Variants in ECPAS observed in about 807,000 individuals in gnomAD.
ECPAS encodes the protein proteasome adapter and scaffold protein ECM29.
In ECPAS, 70 loss-of-function variants were observed where a neutral mutation model predicts 255.1. The observed-to-expected ratio is 0.27, with a 90% CI of 0.23 to 0.33. ECPAS has a LOEUF of 0.33. Ranked by LOEUF, ECPAS falls within the 10% of genes least tolerant of loss-of-function variation. The probability of loss-of-function intolerance (pLI) is 1.00; values close to 1 mark genes in which losing one functional copy is unlikely to be tolerated. For missense variants in ECPAS, 1,817 were observed against 2,206.4 expected (o/e 0.82, Z 3.54); for synonymous variants, 784 against 775.0 (o/e 1.01, Z -0.19).
chr9:111,394,362 G>T, intron 25 of ECPAS, 57 bp from the exon 26 acceptor site: 1 of 1,395,706 alleles, frequency 7.2e-7, no homozygotes, highest in Non-Finnish European at 9.5e-7. Context: ...ATAGTTTCCT[G>T]AAAAAATTAA....
intron 24 of ECPAS, among the ~76,000 whole-genome samples, chr9:111,400,297 GT>G (rs1377192353): frequency 6.6e-6 from 1 of 152,178 alleles, no homozygotes; most frequent in African/African-American, 2.4e-5. Flanking sequence ...TGAAGGACAG[GT>G]ACAAACAAGG....
Position 111,366,279 on chromosome 9 carries a change from T to G in ECPAS, c.5268A>C (p.Glu1756Asp). 6.3e-7 allele frequency: 1 copy of G among 1,578,886 alleles called. No individual in the cohort carries two copies. ...TTGATTTACAAGTTTCAAGCAGAAT[T>G]TCAGCCAAAGCCTCAGGATCGGCAT... ...EEHADPEALA[E>D]ILLETCKSIT... Residue 1756 changes from glutamate (E) to aspartate (D), a missense_variant, in exon 48 of 50, where the codon GAA (glutamate) becomes GAC (aspartate). By Grantham distance (45) the Glu-to-Asp change is conservative. Coordinates refer to ENST00000684092, the MANE Select transcript of ECPAS (RefSeq NM_001364929.1).
chr9:111,419,912 G>T, intron 16 of ECPAS, 105 bp downstream of exon 16: 1 of 782,148 alleles, frequency 1.3e-6, no homozygotes, highest in Non-Finnish European at 2.2e-6. Context: ...TTAATAAATA[G>T]CTTCTAAATT....
intron 21 of ECPAS, 24 bp from the exon 22 acceptor site, chr9:111,411,166 A>AT: frequency 1.6e-5 from 25 of 1,611,690 alleles, no homozygotes; most frequent in Non-Finnish European, 2.0e-5. Flanking sequence ...AAACAATAGC[A>AT]TATCTCTGGC....
chr9:111,466,648 C>CACACAA (rs1256471641), intron 2 of ECPAS, among the ~76,000 whole-genome samples: 1 of 151,606 alleles, frequency 6.6e-6, no homozygotes, highest in Non-Finnish European at 1.5e-5. Flanking sequence ...CACACACACA[C>CACACAA]ACACACACGT....
chr9:111,456,952 T>C (rs962749658), intron 2 of ECPAS, among the ~76,000 whole-genome samples: 1 of 152,100 alleles, frequency 6.6e-6, no homozygotes, highest in African/African-American at 2.4e-5. Flanking sequence ...ACAACAGCAT[T>C]TAAATGCAGG....
intron 1 of ECPAS, among the ~76,000 whole-genome samples, chr9:111,473,986 G>GA (rs1057191891): frequency 6.6e-6 from 1 of 151,872 alleles, no homozygotes; most frequent in Non-Finnish European, 1.5e-5. Context: ...GAAAAGAAAA[G>GA]AAAAAAATCT....
At chr9:111,396,183 T>C (rs2098167368) in intron 25 of ECPAS, among the ~76,000 whole-genome samples, 1 of 152,226 alleles carries the variant, frequency 6.6e-6, no homozygotes, top group African/African-American at 2.4e-5. Flanking sequence ...TGACTTTTCC[T>C]TCTGTTTAAA....
Position 111,420,115 on chromosome 9 carries a change from T to C in ECPAS, c.1461A>G (p.Glu487=). 6.2e-7 allele frequency: 1 copy of C among 1,610,960 alleles called. No homozygotes were observed. Among genetic ancestry groups the C allele is most frequent in the South Asian group, 1.1e-5 (1 of 90,994 alleles). The change falls in exon 16 of 50, where the codon GAA becomes GAG. Residue 487 remains glutamate, a synonymous_variant. Transcript: ENST00000684092. ...ALVASYLIKP[E]VQVRQVAVKF... ...TCACAGCCACTTGTCGAACTTGAAC[T>C]TCAGGCTATTTCATGTGTAAACATA...
intron 24 of ECPAS, among the ~76,000 whole-genome samples, chr9:111,400,737 A>T (rs186515584): frequency 4.6e-5 from 7 of 152,326 alleles, no homozygotes; most frequent in Admixed American, 4.6e-4. Flanking sequence ...AGTCAGAGGA[A>T]AAAAATGCAG....
rs146197687 is a variant in ECPAS at position 111,407,980 on chromosome 9, G to A, written c.2652+591C>T. ...ATCTACCCTAGTATGATGGGTCAGG[G>A]AAGGCTTTTCAAGGAGCACAGCAAC... is the stretch of plus-strand genomic sequence containing the variant. On this transcript the variant is annotated intron_variant, in intron 24 of 49. Coordinates refer to ENST00000684092, the MANE Select transcript of ECPAS (RefSeq NM_001364929.1). Among the ~76,000 whole-genome samples the A allele has an allele frequency of 3.3e-5, 5 of 152,326 alleles. No homozygotes were observed. In the East Asian group the frequency reaches 9.7e-4, roughly 29 times the overall value.
chr9:111,385,531 G>A (rs2098146902), intron 32 of ECPAS, 89 bp from the exon 33 acceptor site: 1 of 793,544 alleles, frequency 1.3e-6, no homozygotes, highest in African/African-American at 1.8e-5. Flanking sequence ...TACAGATTCT[G>A]CCTCTAATTC....
At position 111,381,162 on chromosome 9, in the gene ECPAS, T is replaced by G. The variant is rs186508529; in HGVS notation, c.3803+2049A>C. The stretch of plus-strand genomic sequence containing the variant: ...TCCCTTCCTCACTAAGCTTAATCAT[T>G]TCTAGCTTTCTATTTAAAGTAAGAG... On this transcript the variant is annotated intron_variant, in intron 35 of 49. Transcript: ENST00000684092. Among the ~76,000 whole-genome samples the G allele has an allele frequency of 1.2e-4, 19 of 152,360 alleles. No individual in the cohort carries two copies. In the East Asian group the frequency reaches 3.5e-3, roughly 28 times the overall value.
At chr9:111,365,447 CT>C (rs1438153608) in intron 48 of ECPAS, 1 of 153,136 alleles carries the variant, frequency 6.5e-6, no homozygotes, top group African/African-American at 2.4e-5. Context: ...AGGTGGACTG[CT>C]TGAGCTCAGG....
intron 20 of ECPAS, among the ~76,000 whole-genome samples, chr9:111,413,428 A>G (rs2098197985): frequency 6.6e-6 from 1 of 152,188 alleles, no homozygotes; most frequent in Non-Finnish European, 1.5e-5. Context: ...AAGATGGGAC[A>G]AAAATTTTAA....
intron 20 of ECPAS, among the ~76,000 whole-genome samples, chr9:111,412,640 G>A (rs934928776): frequency 5.4e-4 from 82 of 152,108 alleles, no homozygotes; most frequent in African/African-American, 1.8e-3. Context: ...AAAAACAGGA[G>A]GCAGGCCCTA....
At position 111,422,136 on chromosome 9, in the gene ECPAS, T is replaced by G. The variant is rs202113622; in HGVS notation, c.1330A>C (p.Lys444Gln). 206 of 1,613,810 alleles carry G rather than the reference T, an allele frequency of 1.3e-4. No individual in the cohort carries two copies. In the African/African-American group the frequency reaches 2.4e-3, roughly 18 times the overall value. Reference protein sequence around the residue: ...LVQQLFEALCKEEPETRLAIQ... With the variant: ...LVQQLFEALCQEEPETRLAIQ... ...AAACTTAGCAGCTGTTTCCCTACCTTGCAAAGGGCTTCAAAAAGCTGCTGC... is the reference window on the plus strand; with the variant it reads ...AAACTTAGCAGCTGTTTCCCTACCTGGCAAAGGGCTTCAAAAAGCTGCTGC... The change falls in exon 14 of 50, where the codon AAG (lysine) becomes CAG (glutamine). Residue 444 changes from lysine to glutamine, a missense_variant and splice_region_variant. Transcript: ENST00000684092.
rs560511718 is a variant in ECPAS, at chr9:111,376,507, T to C, written c.3989A>G (p.Lys1330Arg). ...GATTGTTTCCATCATTGGAGAAGAT[T>C]TGGCAGCACTAAGCCGAGCACTATC... is the stretch of plus-strand genomic sequence containing the variant. ...AMDSARLSAAKSSPMMETINM... is the reference protein window; with the variant it reads ...AMDSARLSAARSSPMMETINM... Residue 1330 changes from lysine (K) to arginine (R), a missense_variant, in exon 37 of 50, where the codon AAA (lysine) becomes AGA (arginine). Physicochemically the swap from Lys to Arg is conservative, Grantham distance 26. Coordinates refer to ENST00000684092, the MANE Select transcript of ECPAS (RefSeq NM_001364929.1). 115 of 1,600,684 alleles carry C rather than the reference T, an allele frequency of 7.2e-5. 1 individual carries two copies. Among genetic ancestry groups the C allele is most frequent in the African/African-American group, 3.1e-4 (23 of 74,682 alleles).
intron 2 of ECPAS, among the ~76,000 whole-genome samples, chr9:111,460,623 A>C (rs1220073359): frequency 6.6e-6 from 1 of 152,186 alleles, no homozygotes; most frequent in East Asian, 1.9e-4. Flanking sequence ...AAAATACACA[A>C]ATCAATTGGT....
Sources: gnomAD v4.1 joint callset for allele counts (sites outside exome capture counted in the v4.1 genomes callset) on GRCh38, gnomAD v4.1.1 for gene constraint, MANE v1.5 for transcripts, NCBI Gene and HGNC (gene_info 2026-07-23, HGNC 2026-07-21) for gene names.